Variants in STYXL2 observed in about 807,000 individuals in gnomAD.
STYXL2 encodes serine/threonine/tyrosine interacting like 2.
STYXL2 carries 44 observed loss-of-function variants against 52.4 expected under a neutral mutation model. That is an observed-to-expected ratio of 0.84 (90% CI 0.66 to 1.08). The LOEUF (loss-of-function observed/expected upper bound fraction) is 1.08. Among genes scored for constraint, STYXL2 ranks in the 50% least tolerant of loss-of-function variants. The pLI, the probability that STYXL2 is intolerant of heterozygous loss-of-function variation, is 0.00. For synonymous variants in STYXL2, 604 were observed against 586.9 expected, an observed-to-expected ratio of 1.03 and a Z score of -0.42; for missense variants, 1,604 against 1,471.7, an observed-to-expected ratio of 1.09 and a Z score of -1.47.
chr1:167,121,046 T>C (rs1330856673), intron 5 of STYXL2, among the ~76,000 whole-genome samples: 1 of 150,354 alleles, frequency 6.7e-6, no homozygotes, highest in African/African-American at 2.5e-5. Context: ...AGTCTCGCTC[T>C]TGTCGCCCAG....
Position 167,128,709 on chromosome 1 carries a change from G to A in STYXL2, c.*101G>A, listed in dbSNP as rs947259499. 4.1e-5 allele frequency: 59 copies of A among 1,455,568 alleles called. No homozygotes were observed. The South Asian group carries it at 7.7e-4, about 19-fold the overall frequency. The allele number at this position is 1,455,568 out of a possible 1,614,324, so 90.2% of individuals were successfully genotyped here. ...CATCGCAGGATGAGGATACAGAGAG[G>A]ATCTTCCAGAGGGGCAGAGCCAAAA... On this transcript the variant is annotated 3_prime_UTR_variant, in exon 6 of 6. Transcript: ENST00000361200.
intron 2 of STYXL2, among the ~76,000 whole-genome samples, chr1:167,095,623 A>G (rs1667269282): frequency 6.6e-6 from 1 of 152,216 alleles, no homozygotes; most frequent in African/African-American, 2.4e-5. Flanking sequence ...ACAAACCACG[A>G]GACGTTAAAG....
Position 167,103,065 on chromosome 1 carries a change from T to C in STYXL2, c.110+8106T>C, listed in dbSNP as rs185869801. 8.7e-5 allele frequency among the ~76,000 whole-genome samples: 13 copies of C among 149,570 alleles called. 1 individual carries two copies. The East Asian group carries it at 2.5e-3, about 29-fold the overall frequency. On this transcript the variant is annotated intron_variant, in intron 2 of 5. Transcript: ENST00000361200. ...TAGGGAAGACTCCTTCCTTGTCTCT[T>C]GCTCGTTTCTGTTGGCTACGGGCGT... is the stretch of plus-strand genomic sequence containing the variant.
At position 167,122,743 on chromosome 1, in the gene STYXL2, A is replaced by C. The variant is rs1030510091; in HGVS notation, c.656-3044A>C. 2.0e-5 allele frequency among the ~76,000 whole-genome samples: 3 copies of C among 151,970 alleles called. No homozygotes were observed. The East Asian group carries it at 5.8e-4, about 29-fold the overall frequency. On this transcript the variant is annotated intron_variant, in intron 5 of 5. Transcript: ENST00000361200. The stretch of plus-strand genomic sequence containing the variant: ...GAATGCAGTAATGTGACCTCAGCTC[A>C]CTACCTCCGCCTCCCAGATTCAAGC...
In STYXL2 at chr1:167,126,064, C is replaced by A; in HGVS notation, c.933C>A (p.Ala311=). 1 of 1,552,290 alleles carries A rather than the reference C, an allele frequency of 6.4e-7. No homozygotes were observed. The part of the protein sequence containing the change: ...TGSMLGARVH[A]LTVEEEDDSA... ...GCATGCTCGGGGCCAGAGTGCACGC[C>A]CTGACGGTGGAAGAGGAGGACGACA... is the stretch of plus-strand genomic sequence containing the variant. Residue 311 remains alanine (A), a synonymous_variant, in exon 6 of 6, where the codon GCC becomes GCA. Transcript: ENST00000361200.
chr1:167,102,130 G>T (rs1412703092), intron 2 of STYXL2, among the ~76,000 whole-genome samples: 1 of 151,922 alleles, frequency 6.6e-6, no homozygotes, highest in Non-Finnish European at 1.5e-5. Flanking sequence ...GCAGTTTAAT[G>T]GTTGCCTGGG....
chr1:167,119,415 C>G lies in STYXL2; in HGVS notation c.604C>G (p.His202Asp), dbSNP rs778920633. 1 of 1,614,216 alleles carries G rather than the reference C, an allele frequency of 6.2e-7. No homozygotes were observed. Among genetic ancestry groups the G allele is most frequent in the South Asian group, 1.1e-5 (1 of 91,084 alleles). The change falls in exon 5 of 6, where the codon CAT (histidine) becomes GAT (aspartate). Residue 202 changes from histidine (H) to aspartate (D), a missense_variant. His to Asp is a moderately conservative substitution (Grantham distance 81, BLOSUM62 -1). Coordinates refer to ENST00000361200, the MANE Select transcript of STYXL2 (RefSeq NM_001080426.3). ...DDFPEVDISQ[H>D]FRKASEFLDE... The stretch of plus-strand genomic sequence containing the variant: ...CTTTCCTGAGGTGGACATTTCCCAG[C>G]ATTTCCGGAAGGCGTCTGAGTTCCT...
chr1:167,097,463 A>G (rs933062414), intron 2 of STYXL2, among the ~76,000 whole-genome samples: 2 of 152,216 alleles, frequency 1.3e-5, no homozygotes, highest in African/African-American at 4.8e-5. Context: ...CCGTTTAATG[A>G]TAGTTATCTT....
chr1:167,126,303 G>A lies in STYXL2; in HGVS notation c.1172G>A (p.Arg391Lys). 1 of 1,524,362 alleles carries A rather than the reference G, an allele frequency of 6.6e-7. No homozygotes were observed. Among genetic ancestry groups the A allele is most frequent in the East Asian group, 2.4e-5 (1 of 41,938 alleles). The allele number at this position is 1,524,362 out of a possible 1,614,324, so 94.4% of individuals were successfully genotyped here. ...GEELEDEDVE[R>K]IIQEWQSRNE... Reference sequence around the variant, plus strand: ...GAGCTCGAGGACGAGGACGTGGAGAGGATCATCCAGGAGTGGCAGAGCCGA... The same window carrying A: ...GAGCTCGAGGACGAGGACGTGGAGAAGATCATCCAGGAGTGGCAGAGCCGA... The change falls in exon 6 of 6, where the codon AGG (arginine) becomes AAG (lysine). Residue 391 changes from arginine (R) to lysine (K), a missense_variant. Transcript: ENST00000361200.
At position 167,125,779 on chromosome 1, in the gene STYXL2, C is replaced by A; in HGVS notation, c.656-8C>A. On this transcript the variant is annotated splice_polypyrimidine_tract_variant and splice_region_variant and intron_variant, in intron 5 of 5. Coordinates refer to ENST00000361200, the MANE Select transcript of STYXL2 (RefSeq NM_001080426.3). The stretch of plus-strand genomic sequence containing the variant: ...ATTACATCATTTTCTCTTGTGTTTT[C>A]ATTTCAGGGAAAGTCCTGGTCAGCA... 6.4e-7 allele frequency: 1 copy of A among 1,571,370 alleles called. No homozygotes were observed.
rs149150780 is a variant in STYXL2 at position 167,127,880 on chromosome 1, G to A, written c.2749G>A (p.Val917Ile). ...PETDTCSSLA[V>I]CDHYASGSRV... The stretch of plus-strand genomic sequence containing the variant: ...AACAGACACATGCTCCTCCCTGGCT[G>A]TCTGTGATCACTATGCAAGTGGCAG... Residue 917 changes from valine (V) to isoleucine (I), a missense_variant, in exon 6 of 6, where the codon GTC (valine) becomes ATC (isoleucine). Transcript: ENST00000361200. The A allele has an allele frequency of 2.8e-4, 457 of 1,614,074 alleles. No homozygotes were observed. In the African/African-American group the frequency reaches 5.2e-3, roughly 18 times the overall value.
intron 5 of STYXL2, among the ~76,000 whole-genome samples, chr1:167,120,276 G>T (rs144040452): frequency 6.6e-6 from 1 of 152,208 alleles, no homozygotes; most frequent in Non-Finnish European, 1.5e-5. Flanking sequence ...CGACAGCCTG[G>T]CTGGGAAGAG....
Position 167,128,692 on chromosome 1 carries a change from G to C in STYXL2, c.*84G>C, listed in dbSNP as rs1571352108. The C allele has an allele frequency of 2.0e-6, 3 of 1,486,214 alleles. No homozygotes were observed. Among genetic ancestry groups the C allele is most frequent in the East Asian group, 4.7e-5 (2 of 42,922 alleles). 92.1% of individuals were successfully genotyped at this position (1,486,214 alleles called of 1,614,324 possible). A position where few individuals can be genotyped will look rare whatever the true frequency, so the allele number is the denominator to read the frequency against. ...CACACGTTGCCACCACTCATCGCAG[G>C]ATGAGGATACAGAGAGGATCTTCCA... On this transcript the variant is annotated 3_prime_UTR_variant, in exon 6 of 6. Coordinates refer to ENST00000361200, the MANE Select transcript of STYXL2 (RefSeq NM_001080426.3).
At chr1:167,116,003 A>G (rs1014960329) in intron 3 of STYXL2, among the ~76,000 whole-genome samples, 2 of 152,082 alleles carry the variant, frequency 1.3e-5, no homozygotes, top group African/African-American at 4.8e-5. Context: ...GACCAAGTCT[A>G]CCTTCCAAAT....
At chr1:167,121,634 G>A (rs1667859382) in intron 5 of STYXL2, among the ~76,000 whole-genome samples, 1 of 152,230 alleles carries the variant, frequency 6.6e-6, no homozygotes, top group South Asian at 2.1e-4. Flanking sequence ...GCCAGGAGCC[G>A]CGAGGGCTCA....
intron 2 of STYXL2, among the ~76,000 whole-genome samples, chr1:167,102,882 A>G (rs1156823773): frequency 6.6e-6 from 1 of 152,200 alleles, no homozygotes; most frequent in East Asian, 1.9e-4. Context: ...ATACCTCACC[A>G]CCGGACTCTT....
intron 5 of STYXL2, among the ~76,000 whole-genome samples, chr1:167,123,373 C>T (rs1435759087): frequency 2.0e-5 from 3 of 152,196 alleles, no homozygotes; most frequent in African/African-American, 7.2e-5. Flanking sequence ...CAGACTGAGT[C>T]TAAGTAGTAT....
At chr1:167,124,124 C>T (rs532139706) in intron 5 of STYXL2, among the ~76,000 whole-genome samples, 3 of 151,422 alleles carry the variant, frequency 2.0e-5, no homozygotes, top group East Asian at 2.0e-4. Flanking sequence ...GTTGCCAGGC[C>T]GGTCTCAAAC....
chr1:167,109,895 T>G lies in STYXL2; in HGVS notation c.111-3815T>G, dbSNP rs149262049. Among the ~76,000 whole-genome samples the G allele has an allele frequency of 1.2e-4, 18 of 152,360 alleles. 1 individual carries two copies. The East Asian group carries it at 3.1e-3, about 26-fold the overall frequency. On this transcript the variant is annotated intron_variant, in intron 2 of 5. Transcript: ENST00000361200. ...GAGTCTGTCCACATGACAACTTCAC[T>G]GCTACCATAACCAGCATTTGAGAAA...
Sources: allele counts gnomAD v4.1 joint callset (sites outside exome capture counted in the v4.1 genomes callset), GRCh38; gene constraint gnomAD v4.1.1; transcripts MANE v1.5; gene names NCBI Gene and HGNC (gene_info 2026-07-23, HGNC 2026-07-21).